PLCXD3: variants seen among roughly 807,000 people sequenced by gnomAD.
PLCXD3 encodes the protein phosphatidylinositol specific phospholipase C X domain containing 3.
In PLCXD3, 19 loss-of-function variants were observed where a neutral mutation model predicts 25.5. That is an observed-to-expected ratio of 0.75 (90% CI 0.52 to 1.09). The LOEUF is 1.09. Ranked by LOEUF, PLCXD3 falls within the 50% of genes least tolerant of loss-of-function variation. The probability of loss-of-function intolerance (pLI) is 0.00; values close to 1 mark genes in which losing one functional copy is unlikely to be tolerated. For synonymous variants in PLCXD3, 174 were observed against 137.6 expected (o/e 1.26, Z -1.85); for missense variants, 411 against 388.1 (o/e 1.06, Z -0.50).
chr5:41,489,811 T>C (rs1232054364), intron 1 of PLCXD3, among the ~76,000 whole-genome samples: 1 of 151,430 alleles, frequency 6.6e-6, no homozygotes, highest in Non-Finnish European at 1.5e-5. Flanking sequence ...CTGAAGTTGC[T>C]TATCAGCTTA....
At position 41,307,597 on chromosome 5, in the gene PLCXD3, T is replaced by G. The variant is rs774460458; in HGVS notation, c.*6020A>C. ...TCAGGGTCAGATTCTATCCCCTACT[T>G]GCGCCTGCCTCCCCTGTCCCCCAAC... On this transcript the variant is annotated 3_prime_UTR_variant, in exon 3 of 3. Transcript: ENST00000377801. 1 of 152,276 alleles carries G rather than the reference T, an allele frequency of 6.6e-6. No homozygotes were observed. The highest frequency in any genetic ancestry group is 1.5e-5 in the Non-Finnish European group (1 of 68,170). The allele number at this position is 152,276 out of a possible 1,614,324, so 9.4% of individuals were successfully genotyped here.
At chr5:41,353,633 G>T (rs1254454005) in intron 2 of PLCXD3, among the ~76,000 whole-genome samples, 2 of 152,168 alleles carry the variant, frequency 1.3e-5, no homozygotes, top group African/African-American at 2.4e-5. Flanking sequence ...AAAAATCCAT[G>T]CCTTTGTGTA....
At chr5:41,449,946 G>C (rs890467886) in intron 1 of PLCXD3, among the ~76,000 whole-genome samples, 2 of 152,014 alleles carry the variant, frequency 1.3e-5, no homozygotes, top group Non-Finnish European at 2.9e-5. Flanking sequence ...TAGATGGGGA[G>C]GTATACTGAA....
At chr5:41,449,448 T>G (rs953663960) in intron 1 of PLCXD3, among the ~76,000 whole-genome samples, 1 of 152,218 alleles carries the variant, frequency 6.6e-6, no homozygotes, top group Non-Finnish European at 1.5e-5. Flanking sequence ...CCATAGATTT[T>G]CACATTCAAA....
intron 1 of PLCXD3, among the ~76,000 whole-genome samples, chr5:41,499,279 G>A (rs1466088521): frequency 1.3e-5 from 2 of 151,548 alleles, no homozygotes; most frequent in African/African-American, 4.8e-5. Context: ...AAATTTGTTA[G>A]AATTAAGCAA....
In PLCXD3 at chr5:41,510,552, G is replaced by A. The variant is rs1393097466; in HGVS notation, c.-26C>T. On this transcript the variant is annotated 5_prime_UTR_variant, in exon 1 of 3. Transcript: ENST00000377801. ...CGTGCCAGTCGGCGTGCAGCGCGCT[G>A]GTCCCAGCACTCCTCGGGCAGGCTG... 3 of 1,594,868 alleles carry A rather than the reference G, an allele frequency of 1.9e-6. 1 individual carries two copies. The highest frequency in any genetic ancestry group is 2.2e-5 in the South Asian group (2 of 90,240).
At chr5:41,500,532 G>A (rs1748929897) in intron 1 of PLCXD3, among the ~76,000 whole-genome samples, 1 of 150,946 alleles carries the variant, frequency 6.6e-6, no homozygotes, top group African/African-American at 2.4e-5. Context: ...TGCAATCTAT[G>A]CACATTTATC....
intron 1 of PLCXD3, among the ~76,000 whole-genome samples, chr5:41,495,287 CTAA>C (rs1253275056): frequency 6.6e-6 from 1 of 152,184 alleles, no homozygotes; most frequent in Admixed American, 6.5e-5. Flanking sequence ...TAGAAGAGAG[CTAA>C]TGAGACCCAG....
intron 2 of PLCXD3, among the ~76,000 whole-genome samples, chr5:41,341,359 C>T (rs1281800836): frequency 2.6e-5 from 4 of 152,150 alleles, no homozygotes; most frequent in African/African-American, 7.2e-5. Flanking sequence ...GTCTACAAAT[C>T]GCTGATCCTT....
At chr5:41,502,075 G>C (rs1385324859) in intron 1 of PLCXD3, among the ~76,000 whole-genome samples, 2 of 152,092 alleles carry the variant, frequency 1.3e-5, no homozygotes, top group East Asian at 3.9e-4. Flanking sequence ...CATAGAGGTG[G>C]AGAAAACTGA....
At position 41,502,425 on chromosome 5, in the gene PLCXD3, A is replaced by C. The variant is rs530816403; in HGVS notation, c.103+7999T>G. Among the ~76,000 whole-genome samples the C allele has an allele frequency of 2.0e-5, 3 of 152,072 alleles. No homozygotes were observed. In the South Asian group the frequency reaches 6.2e-4, roughly 31 times the overall value. On this transcript the variant is annotated intron_variant, in intron 1 of 2. Transcript: ENST00000377801. ...GTGTGTGTGATTTAACCTTTTCTTG[A>C]TGGGTCAGAGCACATCAATTAACTG...
chr5:41,376,315 C>T (rs560523068), intron 2 of PLCXD3, among the ~76,000 whole-genome samples: 1 of 152,214 alleles, frequency 6.6e-6, no homozygotes, highest in South Asian at 2.1e-4. Flanking sequence ...CACTTGCTGG[C>T]ATGCCACTCT....
At chr5:41,495,139 C>A (rs763795759) in intron 1 of PLCXD3, among the ~76,000 whole-genome samples, 1 of 152,244 alleles carries the variant, frequency 6.6e-6, no homozygotes, top group Non-Finnish European at 1.5e-5. Context: ...GTCCCTCCTT[C>A]CAGCAGAGTC....
intron 1 of PLCXD3, among the ~76,000 whole-genome samples, chr5:41,397,576 C>T (rs898592652): frequency 6.6e-6 from 1 of 152,190 alleles, no homozygotes; most frequent in African/African-American, 2.4e-5. Flanking sequence ...AGCCACGACA[C>T]AGAGTCCCCA....
At chr5:41,373,287 C>T (rs1355942206) in intron 2 of PLCXD3, among the ~76,000 whole-genome samples, 1 of 152,156 alleles carries the variant, frequency 6.6e-6, no homozygotes. Context: ...AGAGGCTACA[C>T]ATAACATGTC....
chr5:41,419,721 A>G (rs1746774247), intron 1 of PLCXD3, among the ~76,000 whole-genome samples: 1 of 152,220 alleles, frequency 6.6e-6, no homozygotes, highest in Non-Finnish European at 1.5e-5. Context: ...CTTCTTAGTT[A>G]TGTGACAACA....
intron 1 of PLCXD3, among the ~76,000 whole-genome samples, chr5:41,411,870 ATCTCCATATATATG>A (rs1366811618): frequency 5.8e-4 from 34 of 58,446 alleles, no homozygotes; most frequent in Admixed American, 2.2e-3. Context: ...CCATATATAT[ATCTCCATATATATG>A]TATCCATATA....
chr5:41,365,839 A>T (rs753510521), intron 2 of PLCXD3, among the ~76,000 whole-genome samples: 10 of 152,206 alleles, frequency 6.6e-5, no homozygotes, highest in Non-Finnish European at 1.2e-4. Context: ...CACTTGAAAT[A>T]TCTCAAGCGG....
At chr5:41,422,285 A>C (rs1052478157) in intron 1 of PLCXD3, among the ~76,000 whole-genome samples, 2 of 152,240 alleles carry the variant, frequency 1.3e-5, no homozygotes, top group Non-Finnish European at 2.9e-5. Flanking sequence ...GCTTCAAAAC[A>C]TGACTGAAAT....
Sources: gnomAD v4.1 joint callset for allele counts (sites outside exome capture counted in the v4.1 genomes callset) on GRCh38, gnomAD v4.1.1 for gene constraint, MANE v1.5 for transcripts, NCBI Gene and HGNC (gene_info 2026-07-23, HGNC 2026-07-21) for gene names.